SH3RF1: variants seen among roughly 807,000 people sequenced by gnomAD.
The protein encoded by SH3RF1 is E3 ubiquitin-protein ligase SH3RF1.
Under a neutral mutation model 74.0 loss-of-function variants are expected in SH3RF1, and 32 were observed. That is an observed-to-expected ratio of 0.43 (90% CI 0.33 to 0.58). The LOEUF (loss-of-function observed/expected upper bound fraction) is 0.58. Among genes scored for constraint, SH3RF1 ranks in the 20% least tolerant of loss-of-function variants. The probability of loss-of-function intolerance (pLI) is 0.05; values close to 1 mark genes in which losing one functional copy is unlikely to be tolerated. For synonymous variants in SH3RF1, 396 were observed against 439.6 expected, an observed-to-expected ratio of 0.90 and a Z score of 1.24; for missense variants, 954 against 1,130.9, an observed-to-expected ratio of 0.84 and a Z score of 2.24.
At chr4:169,119,518 T>C (rs1180043125) in intron 8 of SH3RF1, among the ~76,000 whole-genome samples, 1 of 152,116 alleles carries the variant, frequency 6.6e-6, no homozygotes, top group Non-Finnish European at 1.5e-5. Context: ...ATTAACTTTA[T>C]TTTTTTGTTC....
At position 169,171,577 on chromosome 4, in the gene SH3RF1, C is replaced by T. The variant is rs905076429; in HGVS notation, c.394-14898G>A. On this transcript the variant is annotated intron_variant, in intron 2 of 11. Transcript: ENST00000284637. ...AGTAGACAGCAGAAAAAAGGCTTTA[C>T]ATTTCTAAGGGAGCATGATTTAGAA... Among the ~76,000 whole-genome samples the T allele has an allele frequency of 2.6e-5, 4 of 152,312 alleles. No homozygotes were observed. The South Asian group carries it at 8.3e-4, about 32-fold the overall frequency.
chr4:169,194,809 C>G (rs1010180206), intron 2 of SH3RF1, among the ~76,000 whole-genome samples: 1 of 152,176 alleles, frequency 6.6e-6, no homozygotes, highest in Non-Finnish European at 1.5e-5. Flanking sequence ...TGTTCCCTAC[C>G]AGCTGCATGA....
intron 6 of SH3RF1, among the ~76,000 whole-genome samples, chr4:169,127,016 G>A (rs978011247): frequency 6.6e-6 from 1 of 152,046 alleles, no homozygotes; most frequent in African/African-American, 2.4e-5. Flanking sequence ...AGAGGATCGG[G>A]GATTATTCAT....
chr4:169,203,414 G>A (rs900887570), intron 2 of SH3RF1, among the ~76,000 whole-genome samples: 7 of 152,052 alleles, frequency 4.6e-5, no homozygotes, highest in Non-Finnish European at 5.9e-5. Context: ...AGCCAGGCAC[G>A]GTGGTGTGCG....
intron 4 of SH3RF1, among the ~76,000 whole-genome samples, chr4:169,145,564 AAT>A (rs901006724): frequency 3.4e-5 from 5 of 148,058 alleles, no homozygotes; most frequent in African/African-American, 7.4e-5. Context: ...AATCTGTAAA[AAT>A]ATATATATAT....
chr4:169,124,528 G>C (rs1483697831), intron 6 of SH3RF1, among the ~76,000 whole-genome samples: 3 of 152,212 alleles, frequency 2.0e-5, no homozygotes, highest in Admixed American at 2.0e-4. Flanking sequence ...TGACAGAAAA[G>C]AGTTCTCTCT....
chr4:169,194,539 C>T (rs574509841), intron 2 of SH3RF1, among the ~76,000 whole-genome samples: 6 of 152,224 alleles, frequency 3.9e-5, no homozygotes, highest in African/African-American at 9.6e-5. Flanking sequence ...CATATGATTA[C>T]GTGTGTCAGT....
intron 2 of SH3RF1, among the ~76,000 whole-genome samples, chr4:169,192,955 T>G (rs1734752963): frequency 6.7e-6 from 1 of 150,160 alleles, no homozygotes. Flanking sequence ...TACTCAGCCA[T>G]AAAAAGGAAT....
chr4:169,144,661 T>C lies in SH3RF1; in HGVS notation c.766-8041A>G, dbSNP rs550247048. 1.4e-4 allele frequency among the ~76,000 whole-genome samples: 21 copies of C among 152,196 alleles called. No homozygotes were observed. The South Asian group carries it at 3.7e-3, about 27-fold the overall frequency. On this transcript the variant is annotated intron_variant, in intron 4 of 11. Coordinates refer to ENST00000284637, the MANE Select transcript of SH3RF1 (RefSeq NM_020870.4). ...AGGTCAATGAATGAAGAAGGCCAGA[T>C]AGAGACCAACAGAGAATGGCAGGCA... is the stretch of plus-strand genomic sequence containing the variant.
At chr4:169,129,719 A>T (rs1579096757) in intron 6 of SH3RF1, among the ~76,000 whole-genome samples, 1 of 152,252 alleles carries the variant, frequency 6.6e-6, no homozygotes, top group Non-Finnish European at 1.5e-5. Context: ...ATGTGTCCTT[A>T]TAAGAAATAA....
At chr4:169,261,869 C>A (rs1180585625) in intron 2 of SH3RF1, among the ~76,000 whole-genome samples, 1 of 152,072 alleles carries the variant, frequency 6.6e-6, no homozygotes, top group African/African-American at 2.4e-5. Context: ...TATTACATTT[C>A]TTACCATAAG....
At chr4:169,125,891 A>T (rs1161908666) in intron 6 of SH3RF1, among the ~76,000 whole-genome samples, 2 of 152,240 alleles carry the variant, frequency 1.3e-5, no homozygotes, top group African/African-American at 4.8e-5. Context: ...AGTGTTACCA[A>T]GTTCAGCAGC....
chr4:169,165,648 G>C (rs1403358796), intron 2 of SH3RF1, among the ~76,000 whole-genome samples: 1 of 151,164 alleles, frequency 6.6e-6, no homozygotes, highest in Admixed American at 6.6e-5. Flanking sequence ...GGGGGGGGGA[G>C]TCAGGTAAGG....
intron 2 of SH3RF1, among the ~76,000 whole-genome samples, chr4:169,231,435 G>A (rs1381872445): frequency 2.6e-5 from 4 of 151,970 alleles, no homozygotes; most frequent in African/African-American, 4.8e-5. Context: ...ACGTCATGGC[G>A]CATGGCTGTA....
intron 2 of SH3RF1, among the ~76,000 whole-genome samples, chr4:169,262,049 C>T (rs1443350080): frequency 6.6e-6 from 1 of 151,894 alleles, no homozygotes; most frequent in Non-Finnish European, 1.5e-5. Context: ...ATGAATGGTA[C>T]ACATAATTAG....
At chr4:169,117,854 G>GA in intron 8 of SH3RF1, 72 bp from the exon 9 acceptor site, 1 of 1,518,230 alleles carries the variant, frequency 6.6e-7, no homozygotes, top group Non-Finnish European at 8.9e-7. Flanking sequence ...TTAAATGCAA[G>GA]AAAAATGACT....
At chr4:169,221,551 T>C (rs1390149584) in intron 2 of SH3RF1, among the ~76,000 whole-genome samples, 1 of 152,150 alleles carries the variant, frequency 6.6e-6, no homozygotes, top group African/African-American at 2.4e-5. Context: ...AACATTAACA[T>C]TGGAAAAGAA....
intron 2 of SH3RF1, among the ~76,000 whole-genome samples, chr4:169,250,727 A>G (rs1731089391): frequency 6.6e-6 from 1 of 152,198 alleles, no homozygotes; most frequent in Non-Finnish European, 1.5e-5. Context: ...TAAATGTATA[A>G]TGTGATTTTA....
intron 2 of SH3RF1, among the ~76,000 whole-genome samples, chr4:169,265,616 G>C (rs895682824): frequency 1.3e-5 from 2 of 152,074 alleles, no homozygotes; most frequent in Non-Finnish European, 2.9e-5. Flanking sequence ...TGGGGTTATA[G>C]GCACGTGCCA....
Sources: gnomAD v4.1 joint callset for allele counts (sites outside exome capture counted in the v4.1 genomes callset) on GRCh38, gnomAD v4.1.1 for gene constraint, MANE v1.5 for transcripts, NCBI Gene and HGNC (gene_info 2026-07-23, HGNC 2026-07-21) for gene names.